Variants in MARK1 observed in about 807,000 individuals in gnomAD.
MARK1 encodes the protein microtubule affinity regulating kinase 1, also known as serine/threonine-protein kinase MARK1.
In MARK1, 40 loss-of-function variants were observed where a neutral mutation model predicts 96.3. The observed-to-expected ratio is 0.42, with a 90% CI of 0.32 to 0.54. The LOEUF (loss-of-function observed/expected upper bound fraction) is 0.54. MARK1 is among the 20% of genes least tolerant of loss of function. The pLI is 0.16. For missense variants in MARK1, 719 were observed against 984.6 expected (o/e 0.73, Z 3.61); for synonymous variants, 317 against 341.2 (o/e 0.93, Z 0.78).
chr1:220,661,632 T>C, intron 17 of MARK1, among the ~76,000 whole-genome samples, 180 bp from the exon 18 acceptor site: 1 of 152,134 alleles, frequency 6.6e-6, no homozygotes, highest in East Asian at 1.9e-4. Context: ...GATGGCATCT[T>C]GGGGTGTGTT....
At chr1:220,622,734 A>G (rs1221782064) in intron 9 of MARK1, among the ~76,000 whole-genome samples, 1 of 152,064 alleles carries the variant, frequency 6.6e-6, no homozygotes, top group Non-Finnish European at 1.5e-5. Context: ...CTGTCTCTAC[A>G]TTAGCTGGGC....
intron 1 of MARK1, among the ~76,000 whole-genome samples, chr1:220,540,358 G>T (rs180959894): frequency 2.6e-5 from 4 of 151,914 alleles, no homozygotes; most frequent in African/African-American, 7.3e-5. Context: ...TAAATTTTCC[G>T]TTTTTTTTCT....
chr1:220,624,104 C>T (rs776314972), intron 9 of MARK1, among the ~76,000 whole-genome samples: 14 of 151,976 alleles, frequency 9.2e-5, no homozygotes, highest in Non-Finnish European at 1.5e-4. Flanking sequence ...TTAAGACCAG[C>T]CTGGCCAACA....
chr1:220,610,893 A>G (rs1316031176), intron 6 of MARK1, among the ~76,000 whole-genome samples: 1 of 152,182 alleles, frequency 6.6e-6, no homozygotes, highest in Non-Finnish European at 1.5e-5. Context: ...AGGCTGCAGA[A>G]CAGCAAATAT....
chr1:220,596,300 A>G (rs1432227200), intron 3 of MARK1, among the ~76,000 whole-genome samples: 1 of 152,124 alleles, frequency 6.6e-6, no homozygotes, highest in African/African-American at 2.4e-5. Flanking sequence ...AGGAAGATGT[A>G]CTGTCAGAGC....
At chr1:220,626,347 T>G in intron 9 of MARK1, 1 of 549,790 alleles carries the variant, frequency 1.8e-6, no homozygotes. Context: ...GGGAGAGAAC[T>G]TTTCAGGAAC....
intron 1 of MARK1, among the ~76,000 whole-genome samples, chr1:220,541,416 A>G (rs997538461): frequency 1.3e-5 from 2 of 152,124 alleles, no homozygotes; most frequent in South Asian, 4.1e-4. Context: ...CTGTATGTCT[A>G]CGTGTCCGTT....
chr1:220,641,226 C>G (rs539931988), intron 13 of MARK1, among the ~76,000 whole-genome samples: 3 of 152,246 alleles, frequency 2.0e-5, no homozygotes, highest in Admixed American at 1.3e-4. Context: ...ATCTTAGTGC[C>G]CCCTGCACCC....
intron 1 of MARK1, among the ~76,000 whole-genome samples, chr1:220,549,132 A>G (rs1661697002): frequency 1.3e-5 from 2 of 152,176 alleles, no homozygotes; most frequent in South Asian, 4.1e-4. Flanking sequence ...ATTCAGATGT[A>G]GAGGCAGTGT....
chr1:220,539,974 T>C (rs958567766), intron 1 of MARK1, among the ~76,000 whole-genome samples: 5 of 152,140 alleles, frequency 3.3e-5, no homozygotes, highest in African/African-American at 1.2e-4. Flanking sequence ...AAATGTTTAG[T>C]ATAATTCACT....
At position 220,572,281 on chromosome 1, in the gene MARK1, G is replaced by C. The variant is rs984971032; in HGVS notation, c.52-7073G>C. On this transcript the variant is annotated intron_variant, in intron 1 of 17. Transcript: ENST00000366917. ...TTGGAGACAGAGTTTCAGTCTTTTT[G>C]CCCAGGCTGGAGTACAATGGTGCGA... is the stretch of plus-strand genomic sequence containing the variant. 3.3e-5 allele frequency among the ~76,000 whole-genome samples: 5 copies of C among 151,600 alleles called. No homozygotes were observed. In the South Asian group the frequency reaches 1.0e-3, roughly 32 times the overall value.
intron 2 of MARK1, among the ~76,000 whole-genome samples, chr1:220,580,538 A>G (rs1301122001): frequency 6.6e-6 from 1 of 152,116 alleles, no homozygotes; most frequent in Non-Finnish European, 1.5e-5. Flanking sequence ...TCTATGTATA[A>G]TATTATTGTC....
intron 1 of MARK1, among the ~76,000 whole-genome samples, chr1:220,559,639 T>C (rs1278029182): frequency 6.6e-6 from 1 of 152,150 alleles, no homozygotes; most frequent in Non-Finnish European, 1.5e-5. Flanking sequence ...GAGCAAAAGC[T>C]CTTGAAAAGA....
At chr1:220,537,760 C>A (rs1267763012) in intron 1 of MARK1, among the ~76,000 whole-genome samples, 4 of 151,284 alleles carry the variant, frequency 2.6e-5, no homozygotes, top group Non-Finnish European at 5.9e-5. Context: ...TGTTTCCTGA[C>A]TTTTTAATGA....
chr1:220,615,835 T>C (rs1019391409), intron 6 of MARK1, 104 bp from the exon 7 acceptor site: 1 of 642,312 alleles, frequency 1.6e-6, no homozygotes, highest in African/African-American at 1.9e-5. Context: ...TATTAAATAT[T>C]ACCTTGAAAT....
intron 6 of MARK1, among the ~76,000 whole-genome samples, chr1:220,607,496 C>T (rs1666152446): frequency 6.6e-6 from 1 of 152,130 alleles, no homozygotes; most frequent in Non-Finnish European, 1.5e-5. Context: ...TCCTCATTTC[C>T]TAATTGAACA....
intron 13 of MARK1, among the ~76,000 whole-genome samples, chr1:220,650,119 C>G (rs556511638): frequency 1.1e-4 from 16 of 152,274 alleles, no homozygotes; most frequent in South Asian, 4.1e-4. Context: ...GCTGGACATG[C>G]CTTTGATCCT....
intron 11 of MARK1, among the ~76,000 whole-genome samples, chr1:220,633,998 C>T (rs1667814095): frequency 6.6e-6 from 1 of 152,150 alleles, no homozygotes. Context: ...GTTCTAAGGA[C>T]TTTACAAATA....
intron 3 of MARK1, among the ~76,000 whole-genome samples, chr1:220,590,213 T>C (rs1456018611): frequency 6.6e-6 from 1 of 152,330 alleles, no homozygotes; most frequent in Non-Finnish European, 1.5e-5. Flanking sequence ...GGAAGAGATA[T>C]CTTAGACATT....
Sources: allele counts gnomAD v4.1 joint callset (sites outside exome capture counted in the v4.1 genomes callset), GRCh38; gene constraint gnomAD v4.1.1; transcripts MANE v1.5; gene names NCBI Gene and HGNC (gene_info 2026-07-23, HGNC 2026-07-21).